The following NCOA2 variants were observed in gnomAD, a reference collection of about 807,000 sequenced individuals.
The protein encoded by NCOA2 is nuclear receptor coactivator 2, also known as class E basic helix-loop-helix protein 75.
NCOA2 carries 21 observed loss-of-function variants against 145.1 expected under a neutral mutation model. That is an observed-to-expected ratio of 0.14 (90% CI 0.10 to 0.21). The LOEUF is 0.21. Ranked by LOEUF, NCOA2 falls within the 10% of genes least tolerant of loss-of-function variation. The pLI, the probability that NCOA2 is intolerant of heterozygous loss-of-function variation, is 1.00. For synonymous variants in NCOA2, 619 were observed against 637.5 expected (o/e 0.97, Z 0.44); for missense variants, 1,472 against 1,837.6 (o/e 0.80, Z 3.64).
chr8:70,162,135 A>G (rs1813095434), intron 9 of NCOA2, among the ~76,000 whole-genome samples: 1 of 152,142 alleles, frequency 6.6e-6, no homozygotes, highest in African/African-American at 2.4e-5. Flanking sequence ...AGAGGAGGCA[A>G]AAGGGATAAT....
At chr8:70,315,247 T>C (rs1280092433) in intron 1 of NCOA2, among the ~76,000 whole-genome samples, 1 of 152,142 alleles carries the variant, frequency 6.6e-6, no homozygotes, top group African/African-American at 2.4e-5. Context: ...AAAGAAAGAA[T>C]TGAGAAAATG....
At chr8:70,425,058 T>C in the NCOA2 span, among the ~76,000 whole-genome samples, 1 of 152,206 alleles carries the variant, frequency 6.6e-6, no homozygotes, top group Non-Finnish European at 1.5e-5. Flanking sequence ...TACATTAACA[T>C]GTGCGGAAGG....
At chr8:70,186,866 A>T (rs1200655381) in intron 4 of NCOA2, among the ~76,000 whole-genome samples, 1 of 152,236 alleles carries the variant, frequency 6.6e-6, no homozygotes, top group Non-Finnish European at 1.5e-5. Flanking sequence ...CTTCATTAAC[A>T]CCTAAATTCA....
chr8:70,443,027 A>G, the NCOA2 span, among the ~76,000 whole-genome samples: 1 of 152,172 alleles, frequency 6.6e-6, no homozygotes, highest in Non-Finnish European at 1.5e-5. Flanking sequence ...AACATAGTAA[A>G]TGTAAAACTT....
rs370639633 is a variant in NCOA2, at chr8:70,305,202, A to G, written c.-76-8402T>C. Among the ~76,000 whole-genome samples, 37 of 151,814 alleles carry G rather than the reference A, an allele frequency of 2.4e-4. No homozygotes were observed. In the East Asian group the frequency reaches 2.9e-3, roughly 12 times the overall value. ...ACCCCAGCCAACATTAACATTATATATGTAACTACAAAGGGCAGCGGCAGT... is the reference window on the plus strand; with the variant it reads ...ACCCCAGCCAACATTAACATTATATGTGTAACTACAAAGGGCAGCGGCAGT... On this transcript the variant is annotated intron_variant, in intron 1 of 22. Coordinates refer to ENST00000452400, the MANE Select transcript of NCOA2 (RefSeq NM_006540.4).
the NCOA2 span, among the ~76,000 whole-genome samples, chr8:70,454,643 TCAA>T: frequency 1.3e-5 from 2 of 151,996 alleles, no homozygotes; most frequent in Non-Finnish European, 2.9e-5. Context: ...CAAAACCAAA[TCAA>T]CAACATTTAT....
At position 70,111,541 on chromosome 8, in the gene NCOA2, T is replaced by G. The variant is rs1806537706; in HGVS notation, c.*2091A>C. 4.6e-6 allele frequency: 1 copy of G among 216,568 alleles called. No individual in the cohort carries two copies. Among genetic ancestry groups the G allele is most frequent in the Admixed American group, 5.8e-5 (1 of 17,168 alleles). 13.4% of individuals were successfully genotyped at this position (216,568 alleles called of 1,614,324 possible). On this transcript the variant is annotated 3_prime_UTR_variant, in exon 23 of 23. Coordinates refer to ENST00000452400, the MANE Select transcript of NCOA2 (RefSeq NM_006540.4). Reference sequence around the variant, plus strand: ...AAAAGTAGAGCCTTTTGAGGGGATATATGAACTGGTGGCCACTGAGAAGTG... The same window carrying G: ...AAAAGTAGAGCCTTTTGAGGGGATAGATGAACTGGTGGCCACTGAGAAGTG...
intron 1 of NCOA2, among the ~76,000 whole-genome samples, chr8:70,297,444 C>T (rs550837377): frequency 6.6e-6 from 1 of 152,314 alleles, no homozygotes; most frequent in East Asian, 1.9e-4. Flanking sequence ...GGTGATCCTC[C>T]CGCCCCAGCC....
At chr8:70,249,276 A>G (rs1473961824) in intron 2 of NCOA2, among the ~76,000 whole-genome samples, 2 of 152,186 alleles carry the variant, frequency 1.3e-5, no homozygotes, top group African/African-American at 4.8e-5. Context: ...TGCTGCTTCT[A>G]TATGATACAC....
chr8:70,431,459 C>T, the NCOA2 span, among the ~76,000 whole-genome samples: 2 of 152,178 alleles, frequency 1.3e-5, no homozygotes, highest in African/African-American at 4.8e-5. Flanking sequence ...ATATGTAGCA[C>T]TAATGCTACT....
At position 70,214,426 on chromosome 8, in the gene NCOA2, AAGG is replaced by A. The variant is rs569089517; in HGVS notation, c.87-354_87-352del. Among the ~76,000 whole-genome samples the A allele has an allele frequency of 1.3e-4, 20 of 152,362 alleles. 1 individual carries two copies. Among genetic ancestry groups the A allele is most frequent in the Non-Finnish European group, 2.4e-4 (16 of 68,030 alleles). ...AATAAAAGAATGTTTCAAAAAGGTA[AAGG>A]AGGTTATATTTTAAAATTTATTTAA... On this transcript the variant is annotated intron_variant, in intron 3 of 22. Transcript: ENST00000452400.
intron 4 of NCOA2, among the ~76,000 whole-genome samples, chr8:70,212,066 C>CAT (rs36215324): frequency 0.023 from 3,309 of 144,104 alleles, 45 homozygotes; most frequent in East Asian, 0.086. Flanking sequence ...CTTTGTGGCG[C>CAT]ATATATATAT....
intron 4 of NCOA2, among the ~76,000 whole-genome samples, chr8:70,189,378 C>CT (rs1816428762): frequency 6.6e-6 from 1 of 152,284 alleles, no homozygotes; most frequent in Admixed American, 6.5e-5. Flanking sequence ...TATAAATCGT[C>CT]TTATTTGATC....
rs1814110134 is a variant in NCOA2 at position 70,170,383 on chromosome 8, G to A, written c.364-4C>T. The stretch of plus-strand genomic sequence containing the variant: ...CAAAGAAGAACCCATCAAGGGCCTA[G>A]GGAACAAAGTACAAATTGTGTTAGA... On this transcript the variant is annotated splice_polypyrimidine_tract_variant and splice_region_variant and intron_variant, in intron 5 of 22. Transcript: ENST00000452400. The A allele has an allele frequency of 3.2e-6, 5 of 1,571,204 alleles. No homozygotes were observed. The highest frequency in any genetic ancestry group is 1.7e-4 in the Middle Eastern group (1 of 5,986).
chr8:70,261,147 GTA>G (rs1404711226), intron 2 of NCOA2, among the ~76,000 whole-genome samples: 1 of 152,130 alleles, frequency 6.6e-6, no homozygotes, highest in Non-Finnish European at 1.5e-5. Flanking sequence ...AAAGACACAT[GTA>G]CACATATGTT....
the NCOA2 span, among the ~76,000 whole-genome samples, chr8:70,430,001 T>C: frequency 6.6e-6 from 1 of 152,080 alleles, no homozygotes; most frequent in East Asian, 1.9e-4. Flanking sequence ...TACAGGAGTG[T>C]GCCACCACAC....
At chr8:70,313,365 G>T (rs188504881) in intron 1 of NCOA2, among the ~76,000 whole-genome samples, 1 of 152,192 alleles carries the variant, frequency 6.6e-6, no homozygotes. Context: ...ATAATGTTTA[G>T]CAAGTCCAAA....
intron 1 of NCOA2, among the ~76,000 whole-genome samples, chr8:70,336,333 T>C (rs1411535099): frequency 6.6e-6 from 1 of 152,224 alleles, no homozygotes; most frequent in African/African-American, 2.4e-5. Context: ...TGGGTGGATC[T>C]GTCCTTCTGT....
At chr8:70,303,805 T>G (rs1256276602) in intron 1 of NCOA2, among the ~76,000 whole-genome samples, 1 of 152,090 alleles carries the variant, frequency 6.6e-6, no homozygotes, top group Non-Finnish European at 1.5e-5. Context: ...AGGGGGAAGA[T>G]AAGTTATTGG....
Sources: allele counts gnomAD v4.1 joint callset (sites outside exome capture counted in the v4.1 genomes callset), GRCh38; gene constraint gnomAD v4.1.1; transcripts MANE v1.5; gene names NCBI Gene and HGNC (gene_info 2026-07-23, HGNC 2026-07-21).